Variants in PTPRK observed in about 807,000 individuals in gnomAD.
The protein encoded by PTPRK is receptor-type tyrosine-protein phosphatase kappa.
PTPRK carries 75 observed loss-of-function variants against 178.0 expected under a neutral mutation model. That is an observed-to-expected ratio of 0.42 (90% CI 0.35 to 0.51). The LOEUF (loss-of-function observed/expected upper bound fraction) is 0.51. PTPRK is among the 20% of genes least tolerant of loss of function. The pLI, the probability that PTPRK is intolerant of heterozygous loss-of-function variation, is 0.02. For missense variants in PTPRK, 1,441 were observed against 1,797.8 expected (o/e 0.80, Z 3.59); for synonymous variants, 637 against 620.6 (o/e 1.03, Z -0.39).
intron 1 of PTPRK, among the ~76,000 whole-genome samples, chr6:128,483,097 C>G (rs1852308932): frequency 6.6e-6 from 1 of 152,166 alleles, no homozygotes; most frequent in South Asian, 2.1e-4. Flanking sequence ...GCCAACAACA[C>G]TAGGCCCAGC....
intron 3 of PTPRK, among the ~76,000 whole-genome samples, chr6:128,256,563 G>A (rs868417337): frequency 5.3e-5 from 8 of 150,882 alleles, no homozygotes; most frequent in Non-Finnish European, 8.8e-5. Flanking sequence ...TCAGCCTCCC[G>A]AGTAACTGGG....
chr6:128,317,412 C>T (rs1383334920), intron 3 of PTPRK, among the ~76,000 whole-genome samples: 1 of 151,644 alleles, frequency 6.6e-6, no homozygotes, highest in African/African-American at 2.4e-5. Context: ...TCTTATAGCC[C>T]TGTTTAAGTC....
At chr6:128,462,625 T>TTTTTTTTATTTA (rs780000939) in intron 1 of PTPRK, among the ~76,000 whole-genome samples, 8 of 143,012 alleles carry the variant, frequency 5.6e-5, no homozygotes, top group African/African-American at 1.8e-4. Flanking sequence ...AGTAGGTATA[T>TTTTTTTTATTTA]TTTATTTATT....
intron 7 of PTPRK, among the ~76,000 whole-genome samples, chr6:128,158,340 C>A (rs967391343): frequency 1.3e-5 from 2 of 151,900 alleles, no homozygotes; most frequent in Admixed American, 1.3e-4. Context: ...AGAACACCAA[C>A]ATGGCACATG....
At chr6:128,219,123 A>G in intron 5 of PTPRK, 27 bp from the exon 6 acceptor site, 1 of 1,561,456 alleles carries the variant, frequency 6.4e-7, no homozygotes, top group African/African-American at 1.4e-5. Flanking sequence ...ATCTTTAAAA[A>G]CAGGTTCTTA....
chr6:128,099,198 T>A (rs866983203), intron 7 of PTPRK, among the ~76,000 whole-genome samples: 75 of 148,992 alleles, frequency 5.0e-4, no homozygotes, highest in Admixed American at 8.0e-4. Context: ...ATATATATAT[T>A]TTTTCTTTTT....
intron 13 of PTPRK, among the ~76,000 whole-genome samples, chr6:128,040,651 T>C (rs1282140084): frequency 6.6e-6 from 1 of 152,130 alleles, no homozygotes; most frequent in Non-Finnish European, 1.5e-5. Context: ...TCTGTATTTG[T>C]ACGTAAGGGT....
chr6:128,319,572 C>A lies in PTPRK; in HGVS notation c.495+2467G>T, dbSNP rs1828504414. ...ATTCTTTAAGAACCTGATGGAATCT[C>A]AAGACTGGCCTCCAATATCTGGTAT... On this transcript the variant is annotated intron_variant, in intron 3 of 29. Coordinates refer to ENST00000368226, the MANE Select transcript of PTPRK (RefSeq NM_002844.4). Among the ~76,000 whole-genome samples, 3 of 152,252 alleles carry A rather than the reference C, an allele frequency of 2.0e-5. No homozygotes were observed. In the South Asian group the frequency reaches 6.2e-4, roughly 32 times the overall value.
intron 3 of PTPRK, among the ~76,000 whole-genome samples, chr6:128,266,104 G>T (rs1016277341): frequency 3.9e-5 from 6 of 152,082 alleles, no homozygotes; most frequent in African/African-American, 1.4e-4. Flanking sequence ...AAGACATCCA[G>T]TTTATGGCAT....
rs1048849986 is a variant in PTPRK, at chr6:128,370,548, C to CT, written c.223+27017dup. ...AAGATAATTCATCATATCATCTTAG[C>CT]TTTTTTTACTTTAAAATCTACTTAA... On this transcript the variant is annotated intron_variant, in intron 2 of 29. Transcript: ENST00000368226. Among the ~76,000 whole-genome samples the CT allele has an allele frequency of 2.6e-5, 4 of 151,986 alleles. No individual in the cohort carries two copies. The East Asian group carries it at 7.7e-4, about 29-fold the overall frequency.
chr6:128,019,391 C>CA (rs762807178), intron 13 of PTPRK, among the ~76,000 whole-genome samples: 1 of 151,844 alleles, frequency 6.6e-6, no homozygotes, highest in Non-Finnish European at 1.5e-5. Context: ...TACTACCTAA[C>CA]AAAAAGAAAG....
chr6:128,257,187 G>A (rs1007443124), intron 3 of PTPRK, among the ~76,000 whole-genome samples: 2 of 150,392 alleles, frequency 1.3e-5, no homozygotes, highest in East Asian at 2.0e-4. Context: ...CCCAGATCAC[G>A]CCATTGCACT....
chr6:128,189,063 A>C lies in PTPRK; in HGVS notation c.869-4338T>G, dbSNP rs185586601. ...ATTTTTCAGCCTACCACAGACATGG[A>C]CTATGATCTCATCCTTCCTCCTGCC... On this transcript the variant is annotated intron_variant, in intron 6 of 29. Coordinates refer to ENST00000368226, the MANE Select transcript of PTPRK (RefSeq NM_002844.4). Among the ~76,000 whole-genome samples, 3 of 152,204 alleles carry C rather than the reference A, an allele frequency of 2.0e-5. 1 individual carries two copies. Among genetic ancestry groups the C allele is most frequent in the Admixed American group, 2.0e-4 (3 of 15,286 alleles).
intron 1 of PTPRK, among the ~76,000 whole-genome samples, chr6:128,424,359 C>A (rs1273632560): frequency 6.6e-6 from 1 of 152,164 alleles, no homozygotes; most frequent in Non-Finnish European, 1.5e-5. Context: ...CAGGCTTGCT[C>A]ATCTGGTCAA....
At chr6:128,422,609 T>A (rs770096534) in intron 1 of PTPRK, among the ~76,000 whole-genome samples, 3 of 149,622 alleles carry the variant, frequency 2.0e-5, no homozygotes, top group Non-Finnish European at 4.4e-5. Context: ...TTGGTTCCAT[T>A]TGTTACAGCA....
In PTPRK at chr6:128,321,704, A is replaced by G. The variant is rs2128320941; in HGVS notation, c.495+335T>C. 6 of 664,162 alleles carry G rather than the reference A, an allele frequency of 9.0e-6. No individual in the cohort carries two copies. The South Asian group carries it at 9.9e-5, about 11-fold the overall frequency. 41.1% of individuals were successfully genotyped at this position (664,162 alleles called of 1,614,324 possible). Reference sequence around the variant, plus strand: ...TTCTTCCTGAACAAAGCTGTAGGAAAGAATCTGTCAATAAGTAGCTCTTTG... The same window carrying G: ...TTCTTCCTGAACAAAGCTGTAGGAAGGAATCTGTCAATAAGTAGCTCTTTG... On this transcript the variant is annotated intron_variant, in intron 3 of 29. Transcript: ENST00000368226.
At chr6:128,143,138 C>A (rs955944690) in intron 7 of PTPRK, among the ~76,000 whole-genome samples, 1 of 151,910 alleles carries the variant, frequency 6.6e-6, no homozygotes, top group African/African-American at 2.4e-5. Flanking sequence ...TTTTCACCTT[C>A]CAGGCAGAAG....
At chr6:128,425,618 C>A (rs1352884529) in intron 1 of PTPRK, among the ~76,000 whole-genome samples, 1 of 152,154 alleles carries the variant, frequency 6.6e-6, no homozygotes, top group Non-Finnish European at 1.5e-5. Context: ...CCAGGTTAGA[C>A]CAACATTACC....
rs145011686 is a variant in PTPRK, at chr6:128,008,093, G to A, written c.2333+1037C>T. 1,248 of 1,336,616 alleles carry A rather than the reference G, an allele frequency of 9.3e-4. 20 individuals are homozygous for A. In the African/African-American group the frequency reaches 0.016, roughly 17 times the overall value. The allele number at this position is 1,336,616 out of a possible 1,614,324, so 82.8% of individuals were successfully genotyped here. The stretch of plus-strand genomic sequence containing the variant: ...GTCTTCTCCAACATATATATCTCCA[G>A]GGGATAATCGTAAAGAGGCAATATA... On this transcript the variant is annotated intron_variant, in intron 14 of 29. Transcript: ENST00000368226.
Sources: gnomAD v4.1 joint callset for allele counts (sites outside exome capture counted in the v4.1 genomes callset) on GRCh38, gnomAD v4.1.1 for gene constraint, MANE v1.5 for transcripts, NCBI Gene and HGNC (gene_info 2026-07-23, HGNC 2026-07-21) for gene names.